The following CFAP97 variants were observed in gnomAD, a reference collection of about 807,000 sequenced individuals.
CFAP97 encodes cilia and flagella associated protein 97, also known as cilia- and flagella-associated protein 97.
CFAP97 carries 36 observed loss-of-function variants against 43.1 expected under a neutral mutation model. The observed-to-expected ratio is 0.84, with a 90% CI of 0.64 to 1.10. CFAP97 has a LOEUF of 1.10. Ranked by LOEUF, CFAP97 falls within the 50% of genes least tolerant of loss-of-function variation. CFAP97 has a pLI of 0.00. For synonymous variants in CFAP97, 228 were observed against 225.7 expected (o/e 1.01, Z -0.09); for missense variants, 657 against 620.3 (o/e 1.06, Z -0.63).
intron 1 of CFAP97, among the ~76,000 whole-genome samples, chr4:185,192,308 G>GAT (rs1736297467): frequency 6.6e-6 from 1 of 152,212 alleles, no homozygotes; most frequent in African/African-American, 2.4e-5. Context: ...AAGGGGGTCT[G>GAT]ATATATGAGA....
chr4:185,163,142 C>A (rs1734932652), intron 4 of CFAP97, among the ~76,000 whole-genome samples: 1 of 152,090 alleles, frequency 6.6e-6, no homozygotes, highest in African/African-American at 2.4e-5. Flanking sequence ...GCGTGGAAAA[C>A]AAACATTTTT....
At chr4:185,206,863 T>A (rs1360146025), upstream of CFAP97, among the ~76,000 whole-genome samples, 4 of 152,070 alleles carry the variant, frequency 2.6e-5, no homozygotes, top group Non-Finnish European at 5.9e-5. Context: ...AGTCCAACTC[T>A]GAAGGCCTCA....
At chr4:185,200,437 C>T (rs1348753390) in intron 1 of CFAP97, among the ~76,000 whole-genome samples, 4 of 152,000 alleles carry the variant, frequency 2.6e-5, no homozygotes, top group South Asian at 2.1e-4. Context: ...GACAGTAGTT[C>T]GAGACCAGCC....
At chr4:185,202,232 C>T (rs187087842) in intron 1 of CFAP97, among the ~76,000 whole-genome samples, 1 of 152,086 alleles carries the variant, frequency 6.6e-6, no homozygotes, top group African/African-American at 2.4e-5. Flanking sequence ...GTAGAAAAAT[C>T]GCCTTGTATG....
chr4:185,176,590 C>T (rs114267548), intron 2 of CFAP97, among the ~76,000 whole-genome samples: 35 of 152,260 alleles, frequency 2.3e-4, no homozygotes, highest in African/African-American at 8.4e-4. Flanking sequence ...ATGAAAGTAT[C>T]TTTAAAAATG....
upstream of CFAP97, among the ~76,000 whole-genome samples, chr4:185,206,944 T>C (rs545082074): frequency 3.3e-5 from 5 of 152,276 alleles, no homozygotes; most frequent in East Asian, 5.8e-4. Flanking sequence ...TAGTGTAACC[T>C]GGAGTCTCAA....
At chr4:185,176,268 A>G (rs1735539625) in intron 2 of CFAP97, among the ~76,000 whole-genome samples, 2 of 151,954 alleles carry the variant, frequency 1.3e-5, no homozygotes, top group Admixed American at 1.3e-4. Flanking sequence ...ATCCACCACC[A>G]TGCCTGGCTA....
chr4:185,176,123 CTCTTT>C, intron 2 of CFAP97, 72 bp from the exon 3 acceptor site: 2 of 1,076,376 alleles, frequency 1.9e-6, no homozygotes, highest in South Asian at 3.6e-5. Context: ...TTTTTTTTTT[CTCTTT>C]TTAGACGGAG....
rs1411974587 is a variant in CFAP97, at chr4:185,188,428, C to T, written c.1054+1715G>A. On this transcript the variant is annotated intron_variant, in intron 2 of 4. Transcript: ENST00000458385. ...CACAATCTCAGCTCACTGCAAACTC[C>T]GCCTCCCAGGCTCAAGCAATTCTCA... Among the ~76,000 whole-genome samples, 7 of 151,932 alleles carry T rather than the reference C, an allele frequency of 4.6e-5. No individual in the cohort carries two copies. In the South Asian group the frequency reaches 8.3e-4, roughly 18 times the overall value.
rs1254930755 is a variant in CFAP97, at chr4:185,191,090, T to C, written c.107A>G (p.Gln36Arg). 11 of 1,612,926 alleles carry C rather than the reference T, an allele frequency of 6.8e-6. No individual in the cohort carries two copies. The highest frequency in any genetic ancestry group is 9.3e-6 in the Non-Finnish European group (11 of 1,179,704). Residue 36 changes from glutamine to arginine, a missense_variant, in exon 2 of 5, where the codon CAA becomes CGA. By Grantham distance (43) the Gln-to-Arg change is conservative (BLOSUM62 1). Transcript: ENST00000458385. ...KCETNSVFDK[Q>R]NDDPKERIDK... is the part of the protein sequence containing the mutation. ...TATTCTTTCCTTTGGGTCATCATTT[T>C]GCTTGTCAAAAACTGAGTTAGTTTC...
At chr4:185,194,741 C>T (rs1014842233) in intron 1 of CFAP97, among the ~76,000 whole-genome samples, 7 of 152,096 alleles carry the variant, frequency 4.6e-5, no homozygotes, top group African/African-American at 1.4e-4. Context: ...ATACAGAATA[C>T]AAAACTTTTC....
intron 1 of CFAP97, among the ~76,000 whole-genome samples, chr4:185,194,205 T>C (rs1736436461): frequency 6.6e-6 from 1 of 152,120 alleles, no homozygotes; most frequent in South Asian, 2.1e-4. Context: ...GAAAAGTTTG[T>C]AGGCCAGGCG....
Position 185,190,636 on chromosome 4 carries a change from A to T in CFAP97, c.561T>A (p.Asp187Glu). ...LSSSSSGSGT[D>E]CLDAGSDSHL... is the part of the protein sequence containing the mutation. ...GGCTATCAGACCCTGCATCTAAACAATCTGTACCTGAACCTGAAGATGAGG... is the reference window on the plus strand; with the variant it reads ...GGCTATCAGACCCTGCATCTAAACATTCTGTACCTGAACCTGAAGATGAGG... Residue 187 changes from aspartate to glutamate, a missense_variant, in exon 2 of 5, where the codon GAT (aspartate) becomes GAA (glutamate). Physicochemically the swap from Asp to Glu is conservative, Grantham distance 45. Transcript: ENST00000458385. The T allele has an allele frequency of 1.3e-6, 2 of 1,593,434 alleles. No individual in the cohort carries two copies. The highest frequency in any genetic ancestry group is 1.7e-6 in the Non-Finnish European group (2 of 1,169,034).
At chr4:185,196,211 C>T (rs1044950646) in intron 1 of CFAP97, among the ~76,000 whole-genome samples, 7 of 152,092 alleles carry the variant, frequency 4.6e-5, no homozygotes, top group Non-Finnish European at 5.9e-5. Context: ...CAGTGGCTCA[C>T]GCCTGTAATC....
At chr4:185,164,005 T>C (rs745950454) in intron 4 of CFAP97, 24 bp downstream of exon 4, 8 of 1,601,290 alleles carry the variant, frequency 5.0e-6, no homozygotes, top group Middle Eastern at 3.3e-4. Flanking sequence ...CAAATAAGTA[T>C]AAAATAATTT....
chr4:185,204,320 A>G (rs1286811019), upstream of CFAP97: 1 of 152,212 alleles, frequency 6.6e-6, no homozygotes, highest in Non-Finnish European at 1.5e-5. Flanking sequence ...TTATCTTGTA[A>G]TTCTCTACCA....
upstream of CFAP97, among the ~76,000 whole-genome samples, chr4:185,208,342 G>A (rs1383401918): frequency 3.3e-5 from 5 of 152,036 alleles, no homozygotes; most frequent in Non-Finnish European, 7.4e-5. Flanking sequence ...GGAGGAGAAA[G>A]GAAACTGGTA....
intron 1 of CFAP97, among the ~76,000 whole-genome samples, chr4:185,196,011 T>C (rs574160101): frequency 6.6e-6 from 1 of 152,338 alleles, no homozygotes; most frequent in South Asian, 2.1e-4. Context: ...AAGAATATCT[T>C]TGCAATTAAA....
chr4:185,164,053 TG>T lies in CFAP97; in HGVS notation c.1446del (p.Thr483LeufsTer8). The part of the protein sequence containing the change: ...NSSPLSRRAR[S>X]TLGQYSPLRA... ...CTTAATGGGCTATATTGGCCAAGAG[TG>T]GATCTGGCCCGTCTTGACAATGGTG... On this transcript the variant is annotated frameshift_variant, in exon 4 of 5. Coordinates refer to ENST00000458385, the MANE Select transcript of CFAP97 (RefSeq NM_020827.3). LOFTEE classifies it high-confidence loss of function. The T allele has an allele frequency of 1.2e-6, 2 of 1,613,740 alleles. No individual in the cohort carries two copies. The highest frequency in any genetic ancestry group is 1.7e-6 in the Non-Finnish European group (2 of 1,179,812).
Sources: allele counts gnomAD v4.1 joint callset (sites outside exome capture counted in the v4.1 genomes callset), GRCh38; gene constraint gnomAD v4.1.1; transcripts MANE v1.5; gene names NCBI Gene and HGNC (gene_info 2026-07-23, HGNC 2026-07-21).